The following CFAP299 variants were observed in gnomAD, a reference collection of about 807,000 sequenced individuals.
CFAP299 encodes cilia and flagella associated protein 299, also known as cilia- and flagella-associated protein 299.
CFAP299 carries 21 observed loss-of-function variants against 27.0 expected under a neutral mutation model. The observed-to-expected ratio is 0.78, with a 90% CI of 0.55 to 1.12. The LOEUF (loss-of-function observed/expected upper bound fraction) is 1.12, where lower values mean the gene tolerates loss of function less well. Among genes scored for constraint, CFAP299 ranks in the 50% most tolerant of loss-of-function variants. The pLI, the probability that CFAP299 is intolerant of heterozygous loss-of-function variation, is 0.00. For missense variants in CFAP299, 310 were observed against 276.6 expected, an observed-to-expected ratio of 1.12 and a Z score of -0.86; for synonymous variants, 104 against 98.1, an observed-to-expected ratio of 1.06 and a Z score of -0.36.
rs754400478 is a variant in CFAP299, at chr4:80,963,475, AT to A, written c.607-37del. 2.2e-6 allele frequency: 3 copies of A among 1,386,192 alleles called. No individual in the cohort carries two copies. In the Admixed American group the frequency reaches 6.9e-5, roughly 32 times the overall value. 85.9% of individuals were successfully genotyped at this position (1,386,192 alleles called of 1,614,324 possible). A position where few individuals can be genotyped will look rare whatever the true frequency, so the allele number is the denominator to read the frequency against. ...AAAAAAATTTTAAAAAAGGCCAAGT[AT>A]TTTTATAGACTTGACTAACAATGTA... On this transcript the variant is annotated intron_variant, in intron 5 of 5. Transcript: ENST00000358105.
intron 2 of CFAP299, among the ~76,000 whole-genome samples, chr4:80,469,737 A>T (rs1472671575): frequency 6.6e-6 from 1 of 152,096 alleles, no homozygotes; most frequent in African/African-American, 2.4e-5. Flanking sequence ...ATTATAATTT[A>T]TCATGCTGTT....
intron 3 of CFAP299, among the ~76,000 whole-genome samples, chr4:80,756,872 C>T (rs1355382479): frequency 6.6e-6 from 1 of 152,104 alleles, no homozygotes; most frequent in Non-Finnish European, 1.5e-5. Context: ...CTAAAGAATA[C>T]ATGATGCAAA....
chr4:80,535,363 C>T (rs1489984859), intron 2 of CFAP299, among the ~76,000 whole-genome samples: 1 of 72,030 alleles, frequency 1.4e-5, no homozygotes, highest in Middle Eastern at 0.01. Flanking sequence ...GGCGTAGTGG[C>T]GGGCGCCTGT....
intron 2 of CFAP299, among the ~76,000 whole-genome samples, chr4:80,515,713 T>C (rs1732551156): frequency 6.6e-6 from 1 of 152,166 alleles, no homozygotes; most frequent in Non-Finnish European, 1.5e-5. Flanking sequence ...CCAATAAAAC[T>C]GCCTTTGTTT....
chr4:80,646,229 A>G (rs1213417942), intron 3 of CFAP299, among the ~76,000 whole-genome samples: 2 of 152,160 alleles, frequency 1.3e-5, no homozygotes, highest in South Asian at 2.1e-4. Context: ...TAGCCTTGAC[A>G]TTCCTTCGTC....
At chr4:80,343,416 A>T (rs1017106601) in intron 1 of CFAP299, among the ~76,000 whole-genome samples, 2 of 152,214 alleles carry the variant, frequency 1.3e-5, no homozygotes, top group Non-Finnish European at 2.9e-5. Context: ...TTGATCACAT[A>T]TTTGGAAGTA....
chr4:80,595,701 C>T (rs17004951), intron 3 of CFAP299, among the ~76,000 whole-genome samples: 6,917 of 152,214 alleles, frequency 0.045, 552 homozygotes, highest in African/African-American at 0.16. Context: ...TTTCTGTGGA[C>T]CTAAGAAATG....
intron 3 of CFAP299, among the ~76,000 whole-genome samples, chr4:80,755,943 C>A (rs990422995): frequency 2.0e-5 from 3 of 151,980 alleles, no homozygotes; most frequent in African/African-American, 7.2e-5. Context: ...TTTGCTTTTT[C>A]CATAGTCAAG....
At chr4:80,623,384 G>A (rs1738706716) in intron 3 of CFAP299, among the ~76,000 whole-genome samples, 1 of 152,034 alleles carries the variant, frequency 6.6e-6, no homozygotes, top group Non-Finnish European at 1.5e-5. Flanking sequence ...CAAAAAGGCA[G>A]AAATGAAACA....
chr4:80,427,682 A>T (rs1295314941), intron 2 of CFAP299, among the ~76,000 whole-genome samples: 1 of 152,192 alleles, frequency 6.6e-6, no homozygotes, highest in African/African-American at 2.4e-5. Flanking sequence ...TGCCACTGTT[A>T]GGTTGTTTTT....
chr4:80,340,189 C>G (rs1722374727), intron 1 of CFAP299, among the ~76,000 whole-genome samples: 1 of 152,164 alleles, frequency 6.6e-6, no homozygotes, highest in South Asian at 2.1e-4. Context: ...TGAAGAAAAG[C>G]AGGGTGAGAC....
intron 5 of CFAP299, among the ~76,000 whole-genome samples, chr4:80,959,630 T>C (rs989137886): frequency 6.6e-6 from 1 of 152,054 alleles, no homozygotes; most frequent in Admixed American, 6.6e-5. Flanking sequence ...ATTTGAAAAT[T>C]CTTCCCAAGG....
chr4:80,374,244 G>T (rs568176271), intron 2 of CFAP299, among the ~76,000 whole-genome samples: 1 of 152,252 alleles, frequency 6.6e-6, no homozygotes, highest in South Asian at 2.1e-4. Flanking sequence ...CTAGTCCAAT[G>T]AGTCCCTCTA....
At chr4:80,462,767 A>G (rs1266932754) in intron 2 of CFAP299, among the ~76,000 whole-genome samples, 1 of 152,106 alleles carries the variant, frequency 6.6e-6, no homozygotes, top group African/African-American at 2.4e-5. Flanking sequence ...CAAATTCAAC[A>G]TGTCCCAAAG....
chr4:80,847,253 C>A (rs867809086), intron 3 of CFAP299, among the ~76,000 whole-genome samples: 1 of 152,316 alleles, frequency 6.6e-6, no homozygotes, highest in South Asian at 2.1e-4. Flanking sequence ...AGACCAGGCT[C>A]TGGCCCCAGT....
chr4:80,440,931 G>A (rs577955261), intron 2 of CFAP299, among the ~76,000 whole-genome samples: 18 of 152,208 alleles, frequency 1.2e-4, no homozygotes, highest in African/African-American at 4.1e-4. Context: ...ATCAATAGCC[G>A]AATCAATCAA....
chr4:80,582,333 A>G (rs1401592761), intron 2 of CFAP299, among the ~76,000 whole-genome samples: 1 of 151,984 alleles, frequency 6.6e-6, no homozygotes. Context: ...GTATCTGTTT[A>G]CCTCTATGAG....
chr4:80,572,507 G>GTTTTTTTTTTTTTTTTTTTTTTTTTT lies in CFAP299; in HGVS notation c.243-10583_243-10558dup, dbSNP rs550414533. On this transcript the variant is annotated intron_variant, in intron 2 of 5. Transcript: ENST00000358105. ...TGTTGTTGCACATGACTGGATCCCA[G>GTTTTTTTTTTTTTTTTTTTTTTTTTT]TTTTTTTTTTTTTTTTTTTTTTTTT... 1.1e-3 allele frequency among the ~76,000 whole-genome samples: 40 copies of GTTTTTTTTTTTTTTTTTTTTTTTTTT among 36,390 alleles called. 14 individuals carry two copies. Among genetic ancestry groups the GTTTTTTTTTTTTTTTTTTTTTTTTTT allele is most frequent in the Non-Finnish European group, 1.8e-3 (35 of 19,382 alleles). 23.9% of individuals were successfully genotyped at this position (36,390 alleles called of 152,430 possible). A position where few individuals can be genotyped will look rare whatever the true frequency, so the allele number is the denominator to read the frequency against.
intron 3 of CFAP299, among the ~76,000 whole-genome samples, chr4:80,664,750 C>T (rs576591937): frequency 6.6e-6 from 1 of 152,188 alleles, no homozygotes; most frequent in Non-Finnish European, 1.5e-5. Flanking sequence ...TTCTGCCTGG[C>T]TGGTGTTCTA....
Sources: allele counts gnomAD v4.1 joint callset (sites outside exome capture counted in the v4.1 genomes callset), GRCh38; gene constraint gnomAD v4.1.1; transcripts MANE v1.5; gene names NCBI Gene and HGNC (gene_info 2026-07-23, HGNC 2026-07-21).